CDKN2AIPNL: variants seen among roughly 807,000 people sequenced by gnomAD.
CDKN2AIPNL encodes CDKN2AIP N-terminal-like protein.
CDKN2AIPNL carries 9 observed loss-of-function variants against 12.9 expected under a neutral mutation model. The ratio of observed to expected loss-of-function variants is 0.70; its 90% CI spans 0.42 to 1.22. The LOEUF (loss-of-function observed/expected upper bound fraction) is 1.22. CDKN2AIPNL is among the 50% of genes most tolerant of loss of function. The pLI is 0.00. For synonymous variants in CDKN2AIPNL, 53 were observed against 61.7 expected (o/e 0.86, Z 0.66); for missense variants, 143 against 153.6 (o/e 0.93, Z 0.37).
chr5:134,409,866 C>A, intron 2 of CDKN2AIPNL, 37 bp downstream of exon 2: 1 of 1,366,990 alleles, frequency 7.3e-7, no homozygotes, highest in Middle Eastern at 2.5e-4. Flanking sequence ...GTTAACTCTA[C>A]ACCATTTCAT....
intron 2 of CDKN2AIPNL, among the ~76,000 whole-genome samples, chr5:134,404,007 G>A (rs1033149854): frequency 2.6e-5 from 4 of 152,090 alleles, no homozygotes; most frequent in Non-Finnish European, 4.4e-5. Flanking sequence ...AGGAGAATGC[G>A]GTATTACCTA....
At chr5:134,406,893 A>T (rs1173314993) in intron 2 of CDKN2AIPNL, among the ~76,000 whole-genome samples, 1 of 152,156 alleles carries the variant, frequency 6.6e-6, no homozygotes, top group Non-Finnish European at 1.5e-5. Flanking sequence ...GCAAAACTCT[A>T]TGCACCCTCT....
intron 2 of CDKN2AIPNL, among the ~76,000 whole-genome samples, chr5:134,406,940 T>TA (rs1390995086): frequency 6.6e-6 from 1 of 152,192 alleles, no homozygotes; most frequent in African/African-American, 2.4e-5. Context: ...GAATTTCACT[T>TA]AGAGTGGCAT....
In CDKN2AIPNL at chr5:134,411,873, G is replaced by C. The variant is rs767160679; in HGVS notation, c.-19C>G. On this transcript the variant is annotated 5_prime_UTR_variant, in exon 1 of 3. Transcript: ENST00000458198. ...CGACCATGGTGCCCGCCGCAGCCGA[G>C]GACCGGATAGCCCGCCGCCTTCCCG... The C allele has an allele frequency of 7.1e-6, 11 of 1,548,792 alleles. No homozygotes were observed. The East Asian group carries it at 1.7e-4, about 24-fold the overall frequency.
rs771313427 is a variant in CDKN2AIPNL, at chr5:134,411,695, G to T, written c.160C>A (p.Pro54Thr). 8 of 1,613,102 alleles carry T rather than the reference G, an allele frequency of 5.0e-6. No individual in the cohort carries two copies. The highest frequency in any genetic ancestry group is 6.8e-6 in the Non-Finnish European group (8 of 1,179,840). ...ILRHLPDYRD[P>T]PDGSGRLDQL... ...TCCAGGCGGCCACTGCCGTCGGGCGGGTCGCGGTAGTCGGGCAGGTGGCGC... is the reference window on the plus strand; with the variant it reads ...TCCAGGCGGCCACTGCCGTCGGGCGTGTCGCGGTAGTCGGGCAGGTGGCGC... Residue 54 changes from proline to threonine, a missense_variant, in exon 1 of 3, where the codon CCG (proline) becomes ACG (threonine). Coordinates refer to ENST00000458198, the MANE Select transcript of CDKN2AIPNL (RefSeq NM_080656.3).
In CDKN2AIPNL at chr5:134,402,635, C is replaced by T. The variant is rs1313351902; in HGVS notation, c.*280G>A. The T allele has an allele frequency of 1.3e-5, 4 of 307,124 alleles. 1 individual carries two copies. In the East Asian group the frequency reaches 2.1e-4, roughly 16 times the overall value. 19.0% of individuals were successfully genotyped at this position (307,124 alleles called of 1,614,324 possible). ...CCTTGTCGATAAGAAAAAAAAAAAC[C>T]TGAAAACAGAAAAGAGGGCTTTTAC... is the stretch of plus-strand genomic sequence containing the variant. On this transcript the variant is annotated 3_prime_UTR_variant, in exon 3 of 3. Coordinates refer to ENST00000458198, the MANE Select transcript of CDKN2AIPNL (RefSeq NM_080656.3).
intron 2 of CDKN2AIPNL, among the ~76,000 whole-genome samples, chr5:134,405,666 C>T (rs1174554752): frequency 2.0e-5 from 3 of 152,150 alleles, no homozygotes; most frequent in Admixed American, 2.0e-4. Flanking sequence ...CTGCCTGCCT[C>T]GGCCTCCCAA....
intron 1 of CDKN2AIPNL, chr5:134,410,687 A>G: frequency 4.2e-6 from 1 of 239,378 alleles, no homozygotes; most frequent in East Asian, 8.4e-5. Context: ...GGCAGGGAAA[A>G]GGGACGGGTG....
At chr5:134,410,842 A>G (rs1759180630) in intron 1 of CDKN2AIPNL, 1 of 600,128 alleles carries the variant, frequency 1.7e-6, no homozygotes, top group Non-Finnish European at 3.0e-6. Context: ...AAGTCACCCT[A>G]TTTTCCTAAC....
intron 2 of CDKN2AIPNL, among the ~76,000 whole-genome samples, chr5:134,405,261 G>A (rs936563643): frequency 5.4e-5 from 8 of 147,232 alleles, no homozygotes; most frequent in Admixed American, 2.7e-4. Flanking sequence ...GCCCGCCACC[G>A]CGCCCGGCTA....
chr5:134,406,984 A>T (rs1174793900), intron 2 of CDKN2AIPNL, among the ~76,000 whole-genome samples: 1 of 152,224 alleles, frequency 6.6e-6, no homozygotes. Context: ...CTACTTAGAA[A>T]AACATAAGTT....
At chr5:134,404,154 G>T (rs777464566) in intron 2 of CDKN2AIPNL, among the ~76,000 whole-genome samples, 6 of 152,174 alleles carry the variant, frequency 3.9e-5, no homozygotes, top group Non-Finnish European at 8.8e-5. Flanking sequence ...ACAGGTGTTT[G>T]CAGGTGATAC....
rs563483162 is a variant in CDKN2AIPNL at position 134,402,085 on chromosome 5, C to T, written c.*830G>A. The T allele has an allele frequency of 6.6e-6, 1 of 152,098 alleles. No homozygotes were observed. The highest frequency in any genetic ancestry group is 1.9e-4 in the East Asian group (1 of 5,176). The allele number at this position is 152,098 out of a possible 1,614,324, so 9.4% of individuals were successfully genotyped here. On this transcript the variant is annotated 3_prime_UTR_variant, in exon 3 of 3. Transcript: ENST00000458198. ...CATTATTACATCAACAACAAAAAGG[C>T]ATTTTATTTTATTATTTTTATTTTT...
intron 2 of CDKN2AIPNL, among the ~76,000 whole-genome samples, chr5:134,409,084 C>T (rs942510977): frequency 1.3e-5 from 2 of 151,978 alleles, no homozygotes; most frequent in South Asian, 4.2e-4. Context: ...CTGCTTCAGT[C>T]GATTTTATAA....
intron 2 of CDKN2AIPNL, among the ~76,000 whole-genome samples, chr5:134,403,953 A>C (rs1196288174): frequency 2.0e-5 from 3 of 152,204 alleles, no homozygotes; most frequent in Admixed American, 2.0e-4. Flanking sequence ...TGAAAAAACA[A>C]AATTCCTCAG....
At chr5:134,403,695 G>A (rs960585589) in intron 2 of CDKN2AIPNL, among the ~76,000 whole-genome samples, 2 of 152,198 alleles carry the variant, frequency 1.3e-5, no homozygotes, top group Admixed American at 6.5e-5. Context: ...CACGATCTTG[G>A]CTCACTGCAA....
intron 2 of CDKN2AIPNL, among the ~76,000 whole-genome samples, chr5:134,409,140 G>A (rs995444287): frequency 3.9e-5 from 6 of 152,110 alleles, no homozygotes; most frequent in African/African-American, 1.2e-4. Context: ...ACTAGGTTTG[G>A]GAGTTGTAAA....
In CDKN2AIPNL at chr5:134,409,797, G is replaced by A. The variant is rs112140442; in HGVS notation, c.339+106C>T. On this transcript the variant is annotated intron_variant, in intron 2 of 2. Coordinates refer to ENST00000458198, the MANE Select transcript of CDKN2AIPNL (RefSeq NM_080656.3). ...AAAATGAAAGGGTATAGGTCTTTGG[G>A]GCAGTAAAGAGCATTCAAAAACAAT... 3,422 of 659,062 alleles carry A rather than the reference G, an allele frequency of 5.2e-3. 51 individuals are homozygous for A. Among genetic ancestry groups the A allele is most frequent in the African/African-American group, 0.042 (2,329 of 54,840 alleles). 40.8% of individuals were successfully genotyped at this position (659,062 alleles called of 1,614,324 possible).
At chr5:134,409,266 C>T (rs1406212470) in intron 2 of CDKN2AIPNL, among the ~76,000 whole-genome samples, 2 of 152,162 alleles carry the variant, frequency 1.3e-5, no homozygotes, top group South Asian at 2.1e-4. Flanking sequence ...GCTGCCTGAG[C>T]AGACAAATGT....
Sources: gnomAD v4.1 joint callset for allele counts (sites outside exome capture counted in the v4.1 genomes callset) on GRCh38, gnomAD v4.1.1 for gene constraint, MANE v1.5 for transcripts, NCBI Gene and HGNC (gene_info 2026-07-23, HGNC 2026-07-21) for gene names.